The following DSE variants were observed in gnomAD, a reference collection of about 807,000 sequenced individuals.
DSE encodes the protein dermatan sulfate epimerase.
In DSE, 36 loss-of-function variants were observed where a neutral mutation model predicts 84.4. The observed-to-expected ratio is 0.43, with a 90% CI of 0.33 to 0.56. The LOEUF is 0.56. DSE is among the 20% of genes least tolerant of loss of function. The pLI is 0.06. For missense variants in DSE, 862 were observed against 1,169.6 expected (o/e 0.74, Z 3.84); for synonymous variants, 410 against 430.1 (o/e 0.95, Z 0.58).
In DSE at chr6:116,440,219, T is replaced by C. The variant is rs1784384579; in HGVS notation, c.*2874T>C. The C allele has an allele frequency of 6.6e-6, 1 of 152,196 alleles. No individual in the cohort carries two copies. The highest frequency in any genetic ancestry group is 2.1e-4 in the South Asian group (1 of 4,836). The allele number at this position is 152,196 out of a possible 1,614,324, so 9.4% of individuals were successfully genotyped here. ...TATTCTAAGGTTATCAGAAAATATG[T>C]CTTAACAGAATGTTTTGCATACTGA... On this transcript the variant is annotated 3_prime_UTR_variant, in exon 6 of 6. Transcript: ENST00000644252.
rs1478785807 is a variant in DSE at position 116,443,814 on chromosome 6, C to T, written c.*6469C>T. The T allele has an allele frequency of 1.3e-5, 2 of 151,964 alleles. No individual in the cohort carries two copies. Among genetic ancestry groups the T allele is most frequent in the African/African-American group, 4.8e-5 (2 of 41,396 alleles). 9.4% of individuals were successfully genotyped at this position (151,964 alleles called of 1,614,324 possible). On this transcript the variant is annotated 3_prime_UTR_variant, in exon 6 of 6. Coordinates refer to ENST00000644252, the MANE Select transcript of DSE (RefSeq NM_013352.4). ...ATTTATTTAGGAATTCTTTTCTGAA[C>T]AAAAAAACGTTTTCAATGGTCTAGG... is the stretch of plus-strand genomic sequence containing the variant.
At chr6:116,365,305 G>T (rs1317306530) in intron 2 of DSE, among the ~76,000 whole-genome samples, 1 of 152,094 alleles carries the variant, frequency 6.6e-6, no homozygotes, top group Non-Finnish European at 1.5e-5. Flanking sequence ...GCCCAGGCTG[G>T]AGTGCAGTGG....
chr6:116,259,291 A>T, intron 2 of DSE: 1 of 539,978 alleles, frequency 1.9e-6, no homozygotes, highest in Non-Finnish European at 3.3e-6. Context: ...ACAGCATGAT[A>T]AATTAGTTAA....
chr6:116,376,870 C>G (rs1019211353), intron 1 of DSE, among the ~76,000 whole-genome samples: 1 of 152,116 alleles, frequency 6.6e-6, no homozygotes, highest in African/African-American at 2.4e-5. Flanking sequence ...TGTGACATAT[C>G]CATTGTAGAT....
intron 4 of DSE, chr6:116,432,936 A>G (rs1477962416): frequency 5.5e-6 from 1 of 181,740 alleles, no homozygotes; most frequent in East Asian, 1.5e-4. Flanking sequence ...TTATTTTATT[A>G]TCTTGGCCTA....
chr6:116,402,357 C>G (rs1425140331), intron 2 of DSE, among the ~76,000 whole-genome samples: 1 of 152,166 alleles, frequency 6.6e-6, no homozygotes, highest in African/African-American at 2.4e-5. Flanking sequence ...CCTCACTCTT[C>G]AGCTATGTTA....
At chr6:116,334,247 C>A (rs966597717) in intron 2 of DSE, among the ~76,000 whole-genome samples, 11 of 152,196 alleles carry the variant, frequency 7.2e-5, no homozygotes, top group African/African-American at 2.2e-4. Flanking sequence ...AGGCAAGTCC[C>A]CATTTCAACC....
chr6:116,342,296 T>C (rs1163440523), intron 2 of DSE, among the ~76,000 whole-genome samples: 1 of 151,354 alleles, frequency 6.6e-6, no homozygotes, highest in African/African-American at 2.4e-5. Flanking sequence ...TTTTTTTTTT[T>C]CGAGATGGAG....
intron 2 of DSE, among the ~76,000 whole-genome samples, chr6:116,304,915 C>T (rs1238649438): frequency 6.6e-6 from 1 of 152,158 alleles, no homozygotes; most frequent in African/African-American, 2.4e-5. Context: ...AGAAGCTGAG[C>T]TGTTTAGGTT....
chr6:116,356,548 A>G (rs1322209569), intron 2 of DSE, among the ~76,000 whole-genome samples: 2 of 152,216 alleles, frequency 1.3e-5, no homozygotes. Context: ...CTACTGGACA[A>G]TTTTGATCTA....
intron 2 of DSE, among the ~76,000 whole-genome samples, chr6:116,323,260 T>G (rs1399106395): frequency 6.6e-6 from 1 of 152,222 alleles, no homozygotes; most frequent in Non-Finnish European, 1.5e-5. Context: ...GTCATGTCAT[T>G]TACCTTGTAA....
At chr6:116,299,258 G>T (rs1774845210) in intron 2 of DSE, among the ~76,000 whole-genome samples, 1 of 151,960 alleles carries the variant, frequency 6.6e-6, no homozygotes, top group African/African-American at 2.4e-5. Flanking sequence ...GAAACAGAGG[G>T]AAATTTGTCT....
Position 116,420,057 on chromosome 6 carries a change from A to G in DSE, c.417-6517A>G, listed in dbSNP as rs758159470. ...ATAAAGTTGTTAGGTTCTGAAAAGT[A>G]CTAGGAAATAGGATTAATTATAAAG... is the stretch of plus-strand genomic sequence containing the variant. On this transcript the variant is annotated intron_variant, in intron 2 of 5. Coordinates refer to ENST00000644252, the MANE Select transcript of DSE (RefSeq NM_013352.4). 1.5e-3 allele frequency among the ~76,000 whole-genome samples: 222 copies of G among 152,342 alleles called. 1 individual carries two copies. The highest frequency in any genetic ancestry group is 4.0e-4 in the Non-Finnish European group (27 of 68,028).
intron 2 of DSE, among the ~76,000 whole-genome samples, chr6:116,311,297 A>G (rs1051881132): frequency 1.3e-5 from 2 of 152,028 alleles, no homozygotes; most frequent in African/African-American, 4.8e-5. Flanking sequence ...TTTCTCTCCC[A>G]CCAGAATATA....
chr6:116,367,694 AG>A (rs1446508663), upstream of DSE, among the ~76,000 whole-genome samples: 1 of 152,228 alleles, frequency 6.6e-6, no homozygotes, highest in Non-Finnish European at 1.5e-5. Flanking sequence ...ATTAAATGTA[AG>A]GGATAAAATA....
intron 2 of DSE, among the ~76,000 whole-genome samples, chr6:116,316,823 C>CTATTATTATTATTAT (rs1295122719): frequency 1.7e-4 from 15 of 88,346 alleles, no homozygotes; most frequent in African/African-American, 6.0e-4. Flanking sequence ...ACTACTACTA[C>CTATTATTATTATTAT]TACTATTATT....
intron 2 of DSE, chr6:116,279,933 C>T: frequency 1.9e-6 from 3 of 1,538,474 alleles, no homozygotes; most frequent in Non-Finnish European, 2.7e-6. Context: ...GTCTCACTAA[C>T]ATTTCAGCGG....
At chr6:116,356,247 C>G (rs1431594141) in intron 2 of DSE, among the ~76,000 whole-genome samples, 1 of 152,176 alleles carries the variant, frequency 6.6e-6, no homozygotes, top group Non-Finnish European at 1.5e-5. Context: ...AACTATGGCT[C>G]AGAGCATCAA....
At chr6:116,378,150 A>T (rs965217313) in intron 1 of DSE, among the ~76,000 whole-genome samples, 2 of 152,328 alleles carry the variant, frequency 1.3e-5, no homozygotes, top group African/African-American at 4.8e-5. Flanking sequence ...TGAAGAAAAG[A>T]AGGGGGAAAT....
Sources: allele counts gnomAD v4.1 joint callset (sites outside exome capture counted in the v4.1 genomes callset), GRCh38; gene constraint gnomAD v4.1.1; transcripts MANE v1.5; gene names NCBI Gene and HGNC (gene_info 2026-07-23, HGNC 2026-07-21).